AK7: variants seen among roughly 807,000 people sequenced by gnomAD.
AK7 encodes the protein ATP-AMP transphosphorylase 7.
A neutral mutation model predicts 96.6 loss-of-function variants in AK7; 78 were observed. That is an observed-to-expected ratio of 0.81 (90% CI 0.67 to 0.97). AK7 has a LOEUF of 0.97. AK7 is among the 50% of genes least tolerant of loss of function. AK7 has a pLI of 0.00. For synonymous variants in AK7, 302 were observed against 317.2 expected, an observed-to-expected ratio of 0.95 and a Z score of 0.51; for missense variants, 855 against 887.9, an observed-to-expected ratio of 0.96 and a Z score of 0.47.
chr14:96,457,714 T>C (rs1894010222), intron 11 of AK7, among the ~76,000 whole-genome samples: 1 of 152,232 alleles, frequency 6.6e-6, no homozygotes, highest in African/African-American at 2.4e-5. Context: ...ATCATTTTAT[T>C]GGAAATGGCA....
At chr14:96,411,764 G>A (rs1481324133) in intron 4 of AK7, among the ~76,000 whole-genome samples, 2 of 152,210 alleles carry the variant, frequency 1.3e-5, no homozygotes, top group African/African-American at 4.8e-5. Flanking sequence ...TCTAATTGAA[G>A]GGGGCGTGGC....
chr14:96,425,514 G>A (rs1007182532), intron 5 of AK7, among the ~76,000 whole-genome samples: 60 of 108,996 alleles, frequency 5.5e-4, no homozygotes, highest in Admixed American at 5.3e-4. Flanking sequence ...ACAGAGTCTT[G>A]CTCTGTTGCG....
At chr14:96,423,065 A>ACACAGATGT (rs1393249166) in intron 5 of AK7, among the ~76,000 whole-genome samples, 1 of 152,226 alleles carries the variant, frequency 6.6e-6, no homozygotes, top group Non-Finnish European at 1.5e-5. Context: ...GATTCCTGAT[A>ACACAGATGT]AGCGGTCAGC....
intron 7 of AK7, among the ~76,000 whole-genome samples, chr14:96,445,485 C>T (rs773192258): frequency 1.3e-5 from 2 of 151,988 alleles, no homozygotes; most frequent in African/African-American, 4.8e-5. Context: ...CATAGTGAAA[C>T]CCTGTCTCTA....
chr14:96,456,577 T>G, intron 11 of AK7, 102 bp downstream of exon 11: 1 of 1,377,968 alleles, frequency 7.3e-7, no homozygotes, highest in Admixed American at 2.0e-5. Flanking sequence ...GGATGCAGTT[T>G]AGATGATCCC....
intron 8 of AK7, among the ~76,000 whole-genome samples, chr14:96,449,040 T>C (rs898382816): frequency 2.0e-5 from 3 of 152,020 alleles, no homozygotes; most frequent in Non-Finnish European, 1.5e-5. Flanking sequence ...GCTTTATAGA[T>C]GTCACCTTCT....
At chr14:96,416,729 T>C (rs1891370269) in intron 4 of AK7, among the ~76,000 whole-genome samples, 1 of 152,168 alleles carries the variant, frequency 6.6e-6, no homozygotes, top group Non-Finnish European at 1.5e-5. Context: ...GGGTTCAAAA[T>C]ACACTTTATT....
In AK7 at chr14:96,425,773, C is replaced by G. The variant is rs989232952; in HGVS notation, c.609+4841C>G. On this transcript the variant is annotated intron_variant, in intron 5 of 17. Coordinates refer to ENST00000267584, the MANE Select transcript of AK7 (RefSeq NM_152327.5). ...TGCTGGGGTTACAGGTGTGAGCCAC[C>G]GTGCCCAGCCGTAGTTTGTCTTGAA... is the stretch of plus-strand genomic sequence containing the variant. 5.9e-5 allele frequency among the ~76,000 whole-genome samples: 9 copies of G among 152,204 alleles called. No individual in the cohort carries two copies. In the East Asian group the frequency reaches 1.7e-3, roughly 29 times the overall value.
chr14:96,424,464 T>A (rs577535110), intron 5 of AK7, among the ~76,000 whole-genome samples: 18 of 152,342 alleles, frequency 1.2e-4, no homozygotes, highest in East Asian at 9.6e-4. Context: ...TTCTGTGAGG[T>A]AGGTACTACT....
intron 5 of AK7, among the ~76,000 whole-genome samples, chr14:96,433,604 G>A (rs1020387455): frequency 6.6e-6 from 1 of 152,080 alleles, no homozygotes; most frequent in Non-Finnish European, 1.5e-5. Flanking sequence ...GCTTCCTTGC[G>A]ATGTGTTCGA....
Position 96,437,897 on chromosome 14 carries a change from G to A in AK7, c.672G>A (p.Met224Ile). The A allele has an allele frequency of 6.2e-7, 1 of 1,613,750 alleles. No individual in the cohort carries two copies. Among genetic ancestry groups the A allele is most frequent in the South Asian group, 1.1e-5 (1 of 90,986 alleles). Residue 224 changes from methionine (M) to isoleucine (I), a missense_variant, in exon 6 of 18, where the codon ATG becomes ATA. Physicochemically the swap from Met to Ile is conservative, Grantham distance 10. Coordinates refer to ENST00000267584, the MANE Select transcript of AK7 (RefSeq NM_152327.5). ...AGLQYGAEGG[M>I]LHTFFKMAWL... ...TCCAGTATGGAGCGGAAGGAGGCAT[G>A]TTACACACATTTTTTAAGGTATGGC... is the stretch of plus-strand genomic sequence containing the variant.
chr14:96,393,946 T>C (rs1889902703), intron 1 of AK7, among the ~76,000 whole-genome samples: 1 of 152,016 alleles, frequency 6.6e-6, no homozygotes, highest in Non-Finnish European at 1.5e-5. Flanking sequence ...CTGTCTCTAC[T>C]AAAAGTACAA....
chr14:96,487,706 C>T (rs566811616), intron 17 of AK7, among the ~76,000 whole-genome samples: 50 of 151,922 alleles, frequency 3.3e-4, no homozygotes, highest in South Asian at 2.5e-3. Context: ...AGATTACAGG[C>T]GTGAGCCACC....
intron 2 of AK7, chr14:96,398,620 G>A (rs1036112010): frequency 1.2e-5 from 3 of 259,302 alleles, no homozygotes; most frequent in Admixed American, 5.1e-5. Flanking sequence ...GGTGGCTTAC[G>A]CCTGTAATCC....
Position 96,412,283 on chromosome 14 carries a change from A to G in AK7, c.498+3342A>G, listed in dbSNP as rs544042013. The stretch of plus-strand genomic sequence containing the variant: ...TACTCTGTTGTTCAGGCTGGAGTAC[A>G]ATGGCACAATCTCAGCTCACTGCAA... On this transcript the variant is annotated intron_variant, in intron 4 of 17. Transcript: ENST00000267584. Among the ~76,000 whole-genome samples the G allele has an allele frequency of 5.6e-5, 8 of 143,870 alleles. No homozygotes were observed. The South Asian group carries it at 1.7e-3, about 31-fold the overall frequency. The allele number at this position is 143,870 out of a possible 152,430, so 94.4% of individuals were successfully genotyped here.
intron 12 of AK7, among the ~76,000 whole-genome samples, chr14:96,460,750 G>A (rs551530496): frequency 3.3e-5 from 5 of 152,272 alleles, no homozygotes; most frequent in East Asian, 1.9e-4. Context: ...CAGGGAGCAC[G>A]CGACTGACCG....
At chr14:96,437,721 C>G (rs1287761231) in intron 5 of AK7, 114 bp from the exon 6 acceptor site, 1 of 706,946 alleles carries the variant, frequency 1.4e-6, no homozygotes, top group Non-Finnish European at 2.4e-6. Context: ...ACTCAGTAAC[C>G]TGCAAGAGTT....
chr14:96,456,690 G>A, intron 11 of AK7: 1 of 409,930 alleles, frequency 2.4e-6, no homozygotes, highest in Non-Finnish European at 4.4e-6. Context: ...TGGCCACACT[G>A]GCGTCAGAGA....
chr14:96,415,492 G>A (rs1033633004), intron 4 of AK7, among the ~76,000 whole-genome samples: 84 of 151,794 alleles, frequency 5.5e-4, no homozygotes, highest in Non-Finnish European at 7.8e-4. Context: ...ACATTTAAAA[G>A]TAAACTCTTG....
Sources: gnomAD v4.1 joint callset for allele counts (sites outside exome capture counted in the v4.1 genomes callset) on GRCh38, gnomAD v4.1.1 for gene constraint, MANE v1.5 for transcripts, NCBI Gene and HGNC (gene_info 2026-07-23, HGNC 2026-07-21) for gene names.